The following MPRIP variants were observed in gnomAD, a reference collection of about 807,000 sequenced individuals.
MPRIP encodes the protein myosin phosphatase Rho-interacting protein.
Under a neutral mutation model 234.9 loss-of-function variants are expected in MPRIP, and 59 were observed. That is an observed-to-expected ratio of 0.25 (90% CI 0.20 to 0.31). The LOEUF (loss-of-function observed/expected upper bound fraction) is 0.31. Ranked by LOEUF, MPRIP falls within the 10% of genes least tolerant of loss-of-function variation. MPRIP has a pLI of 1.00. For missense variants in MPRIP, 2,436 were observed against 3,071.0 expected (o/e 0.79, Z 4.89); for synonymous variants, 1,144 against 1,263.9 (o/e 0.91, Z 2.01).
intron 3 of MPRIP, among the ~76,000 whole-genome samples, chr17:17,119,472 A>G (rs1173690341): frequency 1.3e-5 from 2 of 152,268 alleles, no homozygotes; most frequent in Admixed American, 1.3e-4. Context: ...CAAGGGTGCC[A>G]GTCAGAGAGG....
intron 3 of MPRIP, among the ~76,000 whole-genome samples, chr17:17,096,450 A>T (rs2089848274): frequency 6.6e-6 from 1 of 152,186 alleles, no homozygotes; most frequent in South Asian, 2.1e-4. Context: ...TTTTATGAGG[A>T]AAAGATACTT....
rs751099014 is a variant in MPRIP at position 17,143,681 on chromosome 17, C to T, written c.1503+12C>T. 37 of 1,560,432 alleles carry T rather than the reference C, an allele frequency of 2.4e-5. No individual in the cohort carries two copies. Among genetic ancestry groups the T allele is most frequent in the Non-Finnish European group, 3.1e-5 (35 of 1,142,812 alleles). On this transcript the variant is annotated intron_variant, in intron 9 of 23. Coordinates refer to ENST00000651222, the MANE Select transcript of MPRIP (RefSeq NM_001364716.4). ...AGCCCTCCGTGACGGTGAGCCCAGGCGCCGCGTCCTCCGGAGGCCGTGCTC... is the reference window on the plus strand; with the variant it reads ...AGCCCTCCGTGACGGTGAGCCCAGGTGCCGCGTCCTCCGGAGGCCGTGCTC...
intron 12 of MPRIP, 148 bp downstream of exon 12, chr17:17,150,381 T>C: frequency 1.6e-6 from 1 of 609,394 alleles, no homozygotes; most frequent in Non-Finnish European, 3.0e-6. Context: ...CCTTGACACC[T>C]CTGTCCTGTG....
At chr17:17,183,218 G>GTTGT (rs746559495) in intron 23 of MPRIP, 1 of 152,272 alleles carries the variant, frequency 6.6e-6, no homozygotes, top group African/African-American at 2.4e-5. Context: ...GACCAGTGAG[G>GTTGT]TTGTTTGTTT....
At chr17:17,112,655 C>T (rs2090196247) in intron 3 of MPRIP, among the ~76,000 whole-genome samples, 1 of 152,218 alleles carries the variant, frequency 6.6e-6, no homozygotes, top group African/African-American at 2.4e-5. Context: ...TCCCAGCCTC[C>T]TCCCCTCTGC....
chr17:17,151,421 T>TG (rs2045600190), intron 12 of MPRIP, among the ~76,000 whole-genome samples: 1 of 152,210 alleles, frequency 6.6e-6, no homozygotes, highest in African/African-American at 2.4e-5. Flanking sequence ...AGCCCTGATG[T>TG]GGGGCAGTGC....
chr17:17,132,840 GA>G (rs1260449093), intron 5 of MPRIP, among the ~76,000 whole-genome samples: 1 of 152,228 alleles, frequency 6.6e-6, no homozygotes, highest in Non-Finnish European at 1.5e-5. Context: ...TGGTTCCTGG[GA>G]CTGAAAATGG....
At chr17:17,175,694 TGACCACTC>T (rs1350692731) in intron 20 of MPRIP, among the ~76,000 whole-genome samples, 6 of 152,280 alleles carry the variant, frequency 3.9e-5, no homozygotes, top group Admixed American at 1.3e-4. Flanking sequence ...CCACAAACAC[TGACCACTC>T]AAAAGGACAC....
At chr17:17,145,369 C>T (rs1470285311) in intron 9 of MPRIP, among the ~76,000 whole-genome samples, 1 of 152,232 alleles carries the variant, frequency 6.6e-6, no homozygotes, top group Non-Finnish European at 1.5e-5. Flanking sequence ...TCTGTGGGGC[C>T]AGCCAGGTGG....
chr17:17,181,733 T>A (rs1567783218), intron 23 of MPRIP: 1 of 152,236 alleles, frequency 6.6e-6, no homozygotes, highest in African/African-American at 2.4e-5. Context: ...TTGGACCATG[T>A]CTATAAGTGA....
intron 15 of MPRIP, among the ~76,000 whole-genome samples, chr17:17,163,456 T>C (rs1278347852): frequency 1.3e-5 from 2 of 152,218 alleles, no homozygotes; most frequent in Non-Finnish European, 2.9e-5. Flanking sequence ...AAAGGTTTGT[T>C]TGTTTTGTTG....
chr17:17,102,526 A>G (rs928898994), intron 3 of MPRIP, among the ~76,000 whole-genome samples: 1 of 152,206 alleles, frequency 6.6e-6, no homozygotes, highest in African/African-American at 2.4e-5. Flanking sequence ...AGGTCCACCC[A>G]TGACTAGTGG....
At chr17:17,096,973 GCA>G (rs1162892282) in intron 3 of MPRIP, 2 of 352,752 alleles carry the variant, frequency 5.7e-6, no homozygotes, top group African/African-American at 2.1e-5. Flanking sequence ...ACTGAGACAG[GCA>G]CACGTGCCTG....
intron 1 of MPRIP, among the ~76,000 whole-genome samples, chr17:17,065,055 A>G (rs912869601): frequency 5.3e-5 from 8 of 152,146 alleles, no homozygotes; most frequent in Non-Finnish European, 2.9e-5. Context: ...AAATAGCATG[A>G]ACACCTCTTC....
At position 17,185,266 on chromosome 17, in the gene MPRIP, G is replaced by C; in HGVS notation, c.*372G>C. 2 of 339,526 alleles carry C rather than the reference G, an allele frequency of 5.9e-6. No homozygotes were observed. Among genetic ancestry groups the C allele is most frequent in the Non-Finnish European group, 1.2e-5 (2 of 171,946 alleles). 21.0% of individuals were successfully genotyped at this position (339,526 alleles called of 1,614,324 possible). A position where few individuals can be genotyped will look rare whatever the true frequency, so the allele number is the denominator to read the frequency against. Reference sequence around the variant, plus strand: ...TCACCATGTGCTGGTGTGGAAACGGGGCCCAGCCAGCACGCCTCAAGGTAG... The same window carrying C: ...TCACCATGTGCTGGTGTGGAAACGGCGCCCAGCCAGCACGCCTCAAGGTAG... On this transcript the variant is annotated 3_prime_UTR_variant, in exon 24 of 24. Transcript: ENST00000651222.
At chr17:17,074,011 A>T (rs923883736) in intron 1 of MPRIP, among the ~76,000 whole-genome samples, 4 of 152,214 alleles carry the variant, frequency 2.6e-5, no homozygotes, top group African/African-American at 9.6e-5. Flanking sequence ...AGGACCCTGC[A>T]GGCGGAAGCC....
intron 19 of MPRIP, 52 bp from the exon 20 acceptor site, chr17:17,175,241 G>A (rs1374960919): frequency 5.0e-6 from 8 of 1,611,202 alleles, no homozygotes; most frequent in African/African-American, 2.7e-5. Flanking sequence ...TGTGTCATGC[G>A]ACTTGGCCCC....
rs747883447 is a variant in MPRIP at position 17,174,069 on chromosome 17, C to T, written c.6744C>T (p.His2248=). The change falls in exon 19 of 24, where the codon CAC becomes CAT. Residue 2248 remains histidine (H), a synonymous_variant. Coordinates refer to ENST00000651222, the MANE Select transcript of MPRIP (RefSeq NM_001364716.4). ...GTGAGAACCAGGAGCTCAATGCCCA[C>T]AACCAGGTGAGCCTGCAGCCAGGTG... The part of the protein sequence containing the change: ...CQRENQELNA[H]NQELNNRLAA... 2 of 1,613,112 alleles carry T rather than the reference C, an allele frequency of 1.2e-6. No homozygotes were observed. The highest frequency in any genetic ancestry group is 1.7e-6 in the Non-Finnish European group (2 of 1,179,794).
At chr17:17,159,814 G>A (rs1049045495) in intron 14 of MPRIP, among the ~76,000 whole-genome samples, 4 of 152,150 alleles carry the variant, frequency 2.6e-5, no homozygotes, top group Admixed American at 1.3e-4. Flanking sequence ...GTTCTCTTAC[G>A]TAAGTAGCTT....
Sources: gnomAD v4.1 joint callset for allele counts (sites outside exome capture counted in the v4.1 genomes callset) on GRCh38, gnomAD v4.1.1 for gene constraint, MANE v1.5 for transcripts, NCBI Gene and HGNC (gene_info 2026-07-23, HGNC 2026-07-21) for gene names.